The following PAM variants were observed in gnomAD, a reference collection of about 807,000 sequenced individuals.
The protein encoded by PAM is peptidyl-glycine alpha-amidating monooxygenase.
PAM carries 72 observed loss-of-function variants against 122.1 expected under a neutral mutation model. The ratio of observed to expected loss-of-function variants is 0.59; its 90% CI spans 0.49 to 0.72. PAM has a LOEUF of 0.72. Among genes scored for constraint, PAM ranks in the 30% least tolerant of loss-of-function variants. The pLI is 0.00. For missense variants in PAM, 1,106 were observed against 1,183.7 expected, an observed-to-expected ratio of 0.93 and a Z score of 0.96; for synonymous variants, 389 against 404.4, an observed-to-expected ratio of 0.96 and a Z score of 0.46.
At chr5:102,825,114 C>T (rs1384457583) in intron 1 of PAM, among the ~76,000 whole-genome samples, 2 of 152,144 alleles carry the variant, frequency 1.3e-5, no homozygotes, top group African/African-American at 4.8e-5. Context: ...ACATTTCAGC[C>T]TCTTTTGTAA....
intron 1 of PAM, among the ~76,000 whole-genome samples, chr5:102,827,451 C>T (rs1465928736): frequency 6.6e-6 from 1 of 151,968 alleles, no homozygotes; most frequent in Non-Finnish European, 1.5e-5. Context: ...TTTTTTTATA[C>T]ACCTTCCTGA....
intron 1 of PAM, among the ~76,000 whole-genome samples, chr5:102,798,763 A>G (rs1252640294): frequency 1.3e-5 from 2 of 152,140 alleles, no homozygotes; most frequent in East Asian, 3.8e-4. Flanking sequence ...TTTCTGTTAT[A>G]AAGCCCTCTC....
chr5:103,018,787 C>T (rs1782725825), intron 22 of PAM, among the ~76,000 whole-genome samples: 2 of 152,116 alleles, frequency 1.3e-5, no homozygotes, highest in Non-Finnish European at 2.9e-5. Context: ...CAATCTGAGG[C>T]CCTGTATACC....
intron 7 of PAM, among the ~76,000 whole-genome samples, chr5:102,937,022 T>C (rs1753491904): frequency 6.6e-6 from 1 of 152,178 alleles, no homozygotes; most frequent in Admixed American, 6.6e-5. Flanking sequence ...AAGGGGAGCT[T>C]TGAAAGAAGA....
intron 3 of PAM, among the ~76,000 whole-genome samples, chr5:102,891,851 TG>T (rs1474711472): frequency 6.6e-6 from 1 of 151,854 alleles, no homozygotes; most frequent in African/African-American, 2.4e-5. Flanking sequence ...GAAATGGGCC[TG>T]GTTACCTGAA....
intron 1 of PAM, among the ~76,000 whole-genome samples, chr5:102,803,747 A>G (rs896486033): frequency 1.3e-5 from 2 of 152,194 alleles, no homozygotes; most frequent in African/African-American, 4.8e-5. Flanking sequence ...TAAATTTTGT[A>G]TTTATTTATT....
At chr5:102,871,973 A>C (rs1309451579) in intron 3 of PAM, among the ~76,000 whole-genome samples, 2 of 152,080 alleles carry the variant, frequency 1.3e-5, no homozygotes, top group Admixed American at 1.3e-4. Context: ...TGATTTTACC[A>C]AATTAAATAT....
chr5:102,859,791 A>G (rs1236890736), intron 1 of PAM, among the ~76,000 whole-genome samples: 1 of 152,186 alleles, frequency 6.6e-6, no homozygotes, highest in Non-Finnish European at 1.5e-5. Flanking sequence ...TCTTATATAC[A>G]GTATTTTTAC....
At chr5:102,961,329 T>C (rs1447183192) in intron 14 of PAM, 100 bp downstream of exon 14, 1 of 706,892 alleles carries the variant, frequency 1.4e-6, no homozygotes, top group East Asian at 2.6e-5. Flanking sequence ...TCTCTCTGTA[T>C]CTGCCTCAAA....
chr5:102,997,547 G>C (rs1165572627), intron 16 of PAM, among the ~76,000 whole-genome samples: 1 of 151,810 alleles, frequency 6.6e-6, no homozygotes, highest in Non-Finnish European at 1.5e-5. Context: ...TACTTACTCT[G>C]TCTTATTTTG....
chr5:102,944,642 C>T (rs1756455527), intron 7 of PAM, among the ~76,000 whole-genome samples: 1 of 152,074 alleles, frequency 6.6e-6, no homozygotes, highest in South Asian at 2.1e-4. Context: ...ATAAGGTTGT[C>T]TTGGGACTGG....
At chr5:102,874,751 T>C (rs1788600349) in intron 3 of PAM, among the ~76,000 whole-genome samples, 1 of 151,556 alleles carries the variant, frequency 6.6e-6, no homozygotes, top group Non-Finnish European at 1.5e-5. Flanking sequence ...TTTTTTTTCC[T>C]AGTAAATATT....
At chr5:102,901,296 T>TA in intron 3 of PAM, 60 bp from the exon 4 acceptor site, 1 of 980,674 alleles carries the variant, frequency 1.0e-6, no homozygotes, top group Non-Finnish European at 1.6e-6. Flanking sequence ...TTTTAATAGT[T>TA]ATTATTTCTT....
chr5:102,816,814 T>C (rs545309697), intron 1 of PAM, among the ~76,000 whole-genome samples: 1 of 152,304 alleles, frequency 6.6e-6, no homozygotes, highest in South Asian at 2.1e-4. Flanking sequence ...TTAAGTCTCA[T>C]GGCTTTAAAT....
intron 3 of PAM, among the ~76,000 whole-genome samples, chr5:102,889,238 G>T (rs1794057196): frequency 6.6e-6 from 1 of 152,014 alleles, no homozygotes; most frequent in East Asian, 1.9e-4. Context: ...GCTTTAGTTT[G>T]TGGGAGGAAC....
At chr5:102,894,154 C>G (rs1795514011) in intron 3 of PAM, among the ~76,000 whole-genome samples, 1 of 151,534 alleles carries the variant, frequency 6.6e-6, no homozygotes, top group African/African-American at 2.4e-5. Flanking sequence ...GCGAGTGTGG[C>G]TAGAGCTTTA....
chr5:102,982,242 G>C (rs1770149275), intron 15 of PAM, among the ~76,000 whole-genome samples: 1 of 152,294 alleles, frequency 6.6e-6, no homozygotes, highest in East Asian at 1.9e-4. Flanking sequence ...AGCCACAGGG[G>C]GGCCTGAGGA....
At chr5:103,015,763 TATAA>T (rs1429263127) in intron 21 of PAM, among the ~76,000 whole-genome samples, 2 of 152,192 alleles carry the variant, frequency 1.3e-5, no homozygotes, top group Non-Finnish European at 2.9e-5. Flanking sequence ...AAGGTTCTGC[TATAA>T]ATACAGATTA....
intron 1 of PAM, among the ~76,000 whole-genome samples, chr5:102,835,065 T>G (rs2150489420): frequency 6.6e-6 from 1 of 152,242 alleles, no homozygotes; most frequent in African/African-American, 2.4e-5. Context: ...GAAGGAAAAG[T>G]CAATTACATG....
Sources: allele counts gnomAD v4.1 joint callset (sites outside exome capture counted in the v4.1 genomes callset), GRCh38; gene constraint gnomAD v4.1.1; transcripts MANE v1.5; gene names NCBI Gene and HGNC (gene_info 2026-07-23, HGNC 2026-07-21).